Variants in LPIN1 observed in about 807,000 individuals in gnomAD.
LPIN1 encodes lipin 1, also known as phosphatidate phosphatase LPIN1.
In LPIN1, 71 loss-of-function variants were observed where a neutral mutation model predicts 107.5. That is an observed-to-expected ratio of 0.66 (90% CI 0.55 to 0.80). LPIN1 has a LOEUF of 0.80. Among genes scored for constraint, LPIN1 ranks in the 30% least tolerant of loss-of-function variants. The pLI, the probability that LPIN1 is intolerant of heterozygous loss-of-function variation, is 0.00. For missense variants in LPIN1, 1,043 were observed against 1,160.6 expected, an observed-to-expected ratio of 0.90 and a Z score of 1.47; for synonymous variants, 445 against 452.6, an observed-to-expected ratio of 0.98 and a Z score of 0.21.
chr2:11,788,736 G>A (rs1042904405), intron 12 of LPIN1, among the ~76,000 whole-genome samples: 2 of 152,204 alleles, frequency 1.3e-5, no homozygotes, highest in African/African-American at 4.8e-5. Flanking sequence ...GGTGGAGGCT[G>A]AGCAGACAGG....
intron 1 of LPIN1, among the ~76,000 whole-genome samples, chr2:11,732,382 C>A (rs1004161721): frequency 1.3e-5 from 2 of 152,170 alleles, no homozygotes; most frequent in Non-Finnish European, 2.9e-5. Context: ...CTTTGGACTT[C>A]TGGTTCAGAG....
rs1383675243 is a variant in LPIN1, at chr2:11,707,371, G to A, written c.82-6385G>A. On this transcript the variant is annotated intron_variant, in intron 1 of 21. Coordinates refer to the LPIN1 transcript ENST00000449576. This position sits in a 1 kb window ranked among gnomAD's most constrained non-coding sequence, Gnocchi z 4.2. Reference sequence around the variant, plus strand: ...CAGCTCATGCACAGTCTCTGAGGTGGAAGAAGCCACCATGGATGATGAAGA... The same window carrying A: ...CAGCTCATGCACAGTCTCTGAGGTGAAAGAAGCCACCATGGATGATGAAGA... Among the ~76,000 whole-genome samples, 1 of 152,178 alleles carries A rather than the reference G, an allele frequency of 6.6e-6. No homozygotes were observed. Among genetic ancestry groups the A allele is most frequent in the African/African-American group, 2.4e-5 (1 of 41,446 alleles).
In LPIN1 at chr2:11,697,976, C is replaced by T. The variant is rs895647833; in HGVS notation, c.82-15780C>T. On this transcript the variant is annotated intron_variant, in intron 1 of 21. Coordinates refer to the LPIN1 transcript ENST00000449576. The surrounding 1 kb of genome is among the most constrained non-coding windows in gnomAD (Gnocchi z 4.6). ...ACCCAGAAGTGCCCAGTTTTGCCTA[C>T]AGTCCTGGTGGAGCCGGTGGTGGTC... Among the ~76,000 whole-genome samples the T allele has an allele frequency of 6.6e-6, 1 of 152,196 alleles. No individual in the cohort carries two copies. The highest frequency in any genetic ancestry group is 1.5e-5 in the Non-Finnish European group (1 of 68,034).
chr2:11,796,054 G>A (rs971034847), intron 14 of LPIN1, among the ~76,000 whole-genome samples: 15 of 152,206 alleles, frequency 9.9e-5, no homozygotes, highest in African/African-American at 2.9e-4. Context: ...GGACAGTCCC[G>A]TTATACACTA....
upstream of LPIN1, among the ~76,000 whole-genome samples, chr2:11,741,652 A>C (rs1666374168): frequency 6.6e-6 from 1 of 152,134 alleles, no homozygotes; most frequent in East Asian, 1.9e-4. Flanking sequence ...TCTACTAAAA[A>C]TACAAAAAAT....
intron 13 of LPIN1, among the ~76,000 whole-genome samples, chr2:11,793,457 A>G (rs1676128493): frequency 6.6e-6 from 1 of 152,090 alleles, no homozygotes; most frequent in East Asian, 1.9e-4. Flanking sequence ...TTAAAGCCTT[A>G]CTGTGGTTCC....
At chr2:11,763,737 T>A (rs574834360) in intron 1 of LPIN1, among the ~76,000 whole-genome samples, 24 of 152,064 alleles carry the variant, frequency 1.6e-4, no homozygotes, top group Non-Finnish European at 8.8e-5. Flanking sequence ...TAGTGCACAT[T>A]CTGTGTTCTG....
chr2:11,694,774 A>G (rs1662486678), intron 1 of LPIN1, among the ~76,000 whole-genome samples: 1 of 152,226 alleles, frequency 6.6e-6, no homozygotes, highest in Non-Finnish European at 1.5e-5. Context: ...TTTACTAAAC[A>G]TCTGTTAATT....
chr2:11,692,037 C>T (rs10168372), intron 1 of LPIN1, among the ~76,000 whole-genome samples: 36,772 of 152,136 alleles, frequency 0.24, 7,012 homozygotes, highest in African/African-American at 0.53. Flanking sequence ...ACTGTGAGTT[C>T]TGGGGGCTGT....
intron 3 of LPIN1, among the ~76,000 whole-genome samples, chr2:11,769,917 C>A (rs1164516556): frequency 6.6e-6 from 1 of 152,208 alleles, no homozygotes; most frequent in Non-Finnish European, 1.5e-5. Context: ...CGGGACAGAA[C>A]AGTCCCAGGC....
upstream of LPIN1, among the ~76,000 whole-genome samples, chr2:11,720,672 C>G (rs1340345542): frequency 6.6e-6 from 1 of 151,942 alleles, no homozygotes; most frequent in East Asian, 1.9e-4. Flanking sequence ...TGCAGTGCGG[C>G]TTAAGCTTAG....
In LPIN1 at chr2:11,782,215, C is replaced by T. The variant is rs1442031866; in HGVS notation, c.972C>T (p.His324=). Residue 324 remains histidine (H), a synonymous_variant, in exon 8 of 21, where the codon CAC becomes CAT. Coordinates refer to ENST00000674199, the MANE Select transcript of LPIN1 (RefSeq NM_001349206.2). Reference sequence around the variant, plus strand: ...CTTTGCTCTAGTCTTCTTCTCCACACAAGATGAAAGAGTCCAGCCCATTGA... The same window carrying T: ...CTTTGCTCTAGTCTTCTTCTCCACATAAGATGAAAGAGTCCAGCCCATTGA... The part of the protein sequence containing the change: ...LPQAAKSSSP[H]KMKESSPLSS... The T allele has an allele frequency of 1.2e-5, 20 of 1,613,674 alleles. No individual in the cohort carries two copies. Among genetic ancestry groups the T allele is most frequent in the Admixed American group, 3.3e-5 (2 of 59,990 alleles).
At chr2:11,730,772 C>T (rs1665110478) in intron 1 of LPIN1, among the ~76,000 whole-genome samples, 1 of 152,182 alleles carries the variant, frequency 6.6e-6, no homozygotes, top group South Asian at 2.1e-4. Context: ...CCGTCACTTC[C>T]TGCGGAAGTA....
intron 2 of LPIN1, among the ~76,000 whole-genome samples, chr2:11,717,302 C>T (rs1663813014): frequency 6.6e-6 from 1 of 152,094 alleles, no homozygotes; most frequent in South Asian, 2.1e-4. Flanking sequence ...CATCAAATGC[C>T]AATGATCTTC....
Position 11,805,004 on chromosome 2 carries a change from G to T in LPIN1, c.2163-66G>T, listed in dbSNP as rs527888456. 1.6e-4 allele frequency: 151 copies of T among 924,912 alleles called. No homozygotes were observed. In the African/African-American group the frequency reaches 1.8e-3, roughly 11 times the overall value. 57.3% of individuals were successfully genotyped at this position (924,912 alleles called of 1,614,324 possible). A position where few individuals can be genotyped will look rare whatever the true frequency, so the allele number is the denominator to read the frequency against. On this transcript the variant is annotated intron_variant, in intron 16 of 20. Coordinates refer to ENST00000674199, the MANE Select transcript of LPIN1 (RefSeq NM_001349206.2). ...TGTGTTTTTTTTTTTTTTTTATGAG[G>T]CATGAATGGTGCAATGAATCTGAAA...
intron 12 of LPIN1, among the ~76,000 whole-genome samples, chr2:11,789,565 TGTGTGTGTGC>T (rs1283005910): frequency 2.0e-5 from 3 of 151,626 alleles, no homozygotes; most frequent in Admixed American, 6.6e-5. Context: ...GATGTGCACG[TGTGTGTGTGC>T]GTGTGTGTGT....
At chr2:11,726,686 T>C (rs998792652) in intron 1 of LPIN1, among the ~76,000 whole-genome samples, 2 of 152,212 alleles carry the variant, frequency 1.3e-5, no homozygotes, top group Non-Finnish European at 2.9e-5. Flanking sequence ...GCCAGTTATT[T>C]TTTTAAAATA....
chr2:11,719,123 G>A (rs1010346284), intron 2 of LPIN1, among the ~76,000 whole-genome samples: 3 of 152,018 alleles, frequency 2.0e-5, no homozygotes, highest in Admixed American at 1.3e-4. Flanking sequence ...GAATGAAATA[G>A]CAACCCAAAT....
At chr2:11,685,799 G>T (rs1409025325) in intron 1 of LPIN1, among the ~76,000 whole-genome samples, 2 of 152,182 alleles carry the variant, frequency 1.3e-5, no homozygotes, top group Non-Finnish European at 2.9e-5. Context: ...TTTAGATTTG[G>T]AATACACTTG....
Sources: allele counts gnomAD v4.1 joint callset (sites outside exome capture counted in the v4.1 genomes callset), GRCh38; gene constraint gnomAD v4.1.1; non-coding constraint Gnocchi (gnomAD v3.1); transcripts MANE v1.5; gene names NCBI Gene and HGNC (gene_info 2026-07-23, HGNC 2026-07-21).